The following ANK2 variants were observed in gnomAD, a reference collection of about 807,000 sequenced individuals.
ANK2 encodes the protein ankyrin-2.
A neutral mutation model predicts 360.5 loss-of-function variants in ANK2; 83 were observed. The observed-to-expected ratio is 0.23, with a 90% CI of 0.19 to 0.28. ANK2 has a LOEUF of 0.28. ANK2 is among the 10% of genes least tolerant of loss of function. ANK2 has a pLI of 1.00. For missense variants in ANK2, 4,201 were observed against 4,795.7 expected, an observed-to-expected ratio of 0.88 and a Z score of 3.66; for synonymous variants, 1,740 against 1,759.5, an observed-to-expected ratio of 0.99 and a Z score of 0.28.
At chr4:113,115,827 T>C (rs2094711713) in intron 1 of ANK2, among the ~76,000 whole-genome samples, 1 of 152,172 alleles carries the variant, frequency 6.6e-6, no homozygotes, top group Non-Finnish European at 1.5e-5. Flanking sequence ...TTTACTCTTT[T>C]CCTAACAATA....
intron 1 of ANK2, chr4:112,881,988 G>A (rs1292285038): frequency 1.7e-6 from 1 of 576,566 alleles, no homozygotes; most frequent in Non-Finnish European, 3.2e-6. Flanking sequence ...CAGAGCCCCC[G>A]GAGTGCTTGG....
At chr4:113,018,230 C>T (rs1369588092) in intron 2 of ANK2, among the ~76,000 whole-genome samples, 2 of 152,180 alleles carry the variant, frequency 1.3e-5, no homozygotes, top group Non-Finnish European at 2.9e-5. Context: ...GACAGGAAGT[C>T]ATTTTACAAA....
rs775073103 is a variant in ANK2, at chr4:113,355,260, G to C, written c.6642G>C (p.Pro2214=). 3 of 1,613,934 alleles carry C rather than the reference G, an allele frequency of 1.9e-6. No homozygotes were observed. The highest frequency in any genetic ancestry group is 2.7e-5 in the African/African-American group (2 of 74,894). ...SLKNEGVAGS[P]CGSLMEGTPQ... is the part of the protein sequence containing the mutation. ...AGAATGAGGGGGTAGCCGGCTCTCC[G>C]TGTGGCAGCCTGATGGAGGGGACCC... Residue 2214 remains proline (P), a synonymous_variant, in exon 38 of 46, where the codon CCG becomes CCC. Transcript: ENST00000357077.
At chr4:112,869,222 C>T (rs1356341953) in intron 1 of ANK2, among the ~76,000 whole-genome samples, 1 of 152,178 alleles carries the variant, frequency 6.6e-6, no homozygotes, top group Admixed American at 6.5e-5. Context: ...CCTGCCTTGG[C>T]CTCCCAAATT....
intron 16 of ANK2, 37 bp downstream of exon 16, chr4:113,277,972 G>A (rs2153699070): frequency 1.3e-6 from 2 of 1,550,254 alleles, no homozygotes; most frequent in Non-Finnish European, 8.9e-7. Flanking sequence ...ATGTAACAGT[G>A]AAGGTGATAG....
intron 23 of ANK2, among the ~76,000 whole-genome samples, chr4:113,309,418 A>G (rs1338377070): frequency 2.0e-5 from 3 of 152,260 alleles, no homozygotes; most frequent in African/African-American, 7.2e-5. Flanking sequence ...TAGCATCATA[A>G]CAAAACCATC....
intron 26 of ANK2, among the ~76,000 whole-genome samples, chr4:113,328,480 G>C (rs1465438782): frequency 6.6e-6 from 1 of 152,044 alleles, no homozygotes; most frequent in African/African-American, 2.4e-5. Context: ...GCAACAAATA[G>C]TTCATTTAAA....
At chr4:113,153,870 T>G (rs1351250340) in intron 1 of ANK2, among the ~76,000 whole-genome samples, 1 of 152,212 alleles carries the variant, frequency 6.6e-6, no homozygotes, top group Non-Finnish European at 1.5e-5. Context: ...TTAACAAGAT[T>G]AAGCATAGTC....
chr4:113,241,309 A>G (rs985255403), intron 8 of ANK2, among the ~76,000 whole-genome samples: 5 of 152,124 alleles, frequency 3.3e-5, no homozygotes, highest in Non-Finnish European at 7.4e-5. Context: ...TGTTTTTCTT[A>G]CTGAATTATT....
intron 2 of ANK2, among the ~76,000 whole-genome samples, chr4:113,029,419 A>AT (rs1466189085): frequency 6.6e-6 from 1 of 151,806 alleles, no homozygotes; most frequent in Non-Finnish European, 1.5e-5. Flanking sequence ...TTATTTATTT[A>AT]TTTTTTGTAG....
At chr4:112,860,462 T>C (rs2067648369) in intron 1 of ANK2, among the ~76,000 whole-genome samples, 1 of 152,096 alleles carries the variant, frequency 6.6e-6, no homozygotes, top group African/African-American at 2.4e-5. Context: ...CCTGACCTCA[T>C]GATCCGCCGG....
At chr4:113,186,971 T>C (rs1171221857) in intron 2 of ANK2, among the ~76,000 whole-genome samples, 8 of 151,560 alleles carry the variant, frequency 5.3e-5, no homozygotes, top group Admixed American at 5.3e-4. Flanking sequence ...GTCTTCAGGG[T>C]AGGATAAAAG....
chr4:113,035,384 G>T (rs1205645129), intron 2 of ANK2, among the ~76,000 whole-genome samples: 1 of 151,836 alleles, frequency 6.6e-6, no homozygotes, highest in Non-Finnish European at 1.5e-5. Context: ...GGGATTTCAG[G>T]TAGGTAGGTT....
intron 2 of ANK2, among the ~76,000 whole-genome samples, chr4:112,911,890 G>A (rs1198697586): frequency 6.6e-6 from 1 of 152,122 alleles, no homozygotes; most frequent in East Asian, 1.9e-4. Context: ...TTAAGAAACT[G>A]ATGTGGGCCA....
chr4:113,220,197 G>T (rs3025754), intron 4 of ANK2, among the ~76,000 whole-genome samples: 4,250 of 152,274 alleles, frequency 0.028, 98 homozygotes, highest in East Asian at 0.068. Context: ...CGAGTTTGGT[G>T]GATTGAACCA....
At chr4:112,914,716 G>A (rs551880684) in intron 2 of ANK2, among the ~76,000 whole-genome samples, 7 of 152,294 alleles carry the variant, frequency 4.6e-5, no homozygotes, top group African/African-American at 1.7e-4. Context: ...AGCCCATGTG[G>A]CTTCATATTG....
chr4:113,042,503 C>T (rs184408055), intron 2 of ANK2, among the ~76,000 whole-genome samples: 7 of 152,302 alleles, frequency 4.6e-5, no homozygotes, highest in Admixed American at 2.0e-4. Flanking sequence ...AAGGCCTTGT[C>T]TTCCAACACC....
intron 1 of ANK2, among the ~76,000 whole-genome samples, chr4:113,128,048 C>T (rs1005765919): frequency 6.6e-6 from 1 of 152,122 alleles, no homozygotes; most frequent in Admixed American, 6.6e-5. Context: ...AGTAAAAACA[C>T]ATTGCTTTAT....
intron 1 of ANK2, among the ~76,000 whole-genome samples, chr4:113,114,559 TA>T (rs1168650170): frequency 2.4e-5 from 2 of 84,294 alleles, no homozygotes; most frequent in South Asian, 4.0e-4. Context: ...TAACCATCCC[TA>T]AATTTTTTTT....
Sources: gnomAD v4.1 joint callset for allele counts (sites outside exome capture counted in the v4.1 genomes callset) on GRCh38, gnomAD v4.1.1 for gene constraint, MANE v1.5 for transcripts, NCBI Gene and HGNC (gene_info 2026-07-23, HGNC 2026-07-21) for gene names.